Variants in PTPRF observed in about 807,000 individuals in gnomAD.
PTPRF encodes protein tyrosine phosphatase receptor type F.
PTPRF carries 59 observed loss-of-function variants against 201.8 expected under a neutral mutation model. The observed-to-expected ratio is 0.29, with a 90% CI of 0.24 to 0.36. The LOEUF is 0.36. Ranked by LOEUF, PTPRF falls within the 10% of genes least tolerant of loss-of-function variation. The probability of loss-of-function intolerance (pLI) is 1.00; values close to 1 mark genes in which losing one functional copy is unlikely to be tolerated. For synonymous variants in PTPRF, 1,088 were observed against 1,089.7 expected, an observed-to-expected ratio of 1.00 and a Z score of 0.03; for missense variants, 2,132 against 2,690.5, an observed-to-expected ratio of 0.79 and a Z score of 4.59.
chr1:43,534,500 G>C (rs1425469255), intron 1 of PTPRF, among the ~76,000 whole-genome samples: 2 of 152,186 alleles, frequency 1.3e-5, no homozygotes, highest in Non-Finnish European at 2.9e-5. Flanking sequence ...GGATGTGGGA[G>C]TGAAGGAGAG....
Position 43,553,629 on chromosome 1 carries a change from C to T in PTPRF, c.229C>T (p.Arg77Cys). Reference sequence around the variant, plus strand: ...GAAGGGGAAGAAAGTCAGCTCCCAGCGCTTCGAGGTGCGTCTGTGGTGGGA... The same window carrying T: ...GAAGGGGAAGAAAGTCAGCTCCCAGTGCTTCGAGGTGCGTCTGTGGTGGGA... ...MKKGKKVSSQ[R>C]FEVIEFDDGA... The change falls in exon 4 of 34, where the codon CGC (arginine) becomes TGC (cysteine). Residue 77 changes from arginine (R) to cysteine (C), a missense_variant. Physicochemically the swap from Arg to Cys is radical, Grantham distance 180. This residue lies in a region of PTPRF where 297 missense variants were observed against 454.0 expected (regional missense o/e 0.65). Transcript: ENST00000359947. The surrounding 1 kb of genome is among the most constrained non-coding windows in gnomAD (Gnocchi z 4.1). 1 of 1,614,132 alleles carries T rather than the reference C, an allele frequency of 6.2e-7. No individual in the cohort carries two copies.
At chr1:43,555,002 G>A (rs552182787) in intron 5 of PTPRF, among the ~76,000 whole-genome samples, 6 of 151,814 alleles carry the variant, frequency 4.0e-5, no homozygotes, top group East Asian at 1.9e-4. Flanking sequence ...ACAGGCATGC[G>A]CCACCATGCC....
chr1:43,543,311 A>G (rs765801579), intron 2 of PTPRF, among the ~76,000 whole-genome samples: 1 of 152,324 alleles, frequency 6.6e-6, no homozygotes, highest in Non-Finnish European at 1.5e-5. Context: ...CCTCCATCCC[A>G]CTGTGGCCTT....
In PTPRF at chr1:43,592,362, G is replaced by A. The variant is rs963486039; in HGVS notation, c.1669-95G>A. The A allele has an allele frequency of 2.1e-6, 3 of 1,437,920 alleles. No individual in the cohort carries two copies. The Admixed American group carries it at 6.4e-5, about 31-fold the overall frequency. 89.1% of individuals were successfully genotyped at this position (1,437,920 alleles called of 1,614,324 possible). On this transcript the variant is annotated intron_variant, in intron 10 of 33. Transcript: ENST00000359947. ...TGGAGCCAGTCCTGGAGCCGTGGTG[G>A]GTCCAGAGGTGTCACATTGCAGCCC...
In PTPRF at chr1:43,605,590, T is replaced by G; in HGVS notation, c.3451T>G (p.Trp1151Gly). ...RVGGSMLTPR[W>G]STPEELELDE... ...GGGCGGGAGCATGCTGACGCCAAGG[T>G]GGAGCACACCCGAGGAACTGGAGCT... The change falls in exon 19 of 34, where the codon TGG becomes GGG. Residue 1151 changes from tryptophan (W) to glycine (G), a missense_variant. Physicochemically the swap from Trp to Gly is radical, Grantham distance 184. This residue lies in a region of PTPRF where 818 missense variants were observed against 915.3 expected (regional missense o/e 0.89). Transcript: ENST00000359947. 6.2e-7 allele frequency: 1 copy of G among 1,614,014 alleles called. No homozygotes were observed.
intron 3 of PTPRF, among the ~76,000 whole-genome samples, chr1:43,549,027 T>C (rs1227260409): frequency 6.6e-6 from 1 of 152,208 alleles, no homozygotes; most frequent in Non-Finnish European, 1.5e-5. Flanking sequence ...CCACCCTGCA[T>C]GGGCTTGGTG....
At chr1:43,562,418 T>G (rs1465037674) in intron 5 of PTPRF, among the ~76,000 whole-genome samples, 1 of 150,998 alleles carries the variant, frequency 6.6e-6, no homozygotes, top group Non-Finnish European at 1.5e-5. Flanking sequence ...CTGAGAGGAC[T>G]TTTTTGAAAC....
chr1:43,598,118 C>A, intron 12 of PTPRF, 65 bp downstream of exon 12: 1 of 1,404,292 alleles, frequency 7.1e-7, no homozygotes, highest in Non-Finnish European at 9.3e-7. Flanking sequence ...CCAAGCTCCC[C>A]AGGGCCTTCC....
intron 3 of PTPRF, among the ~76,000 whole-genome samples, chr1:43,551,303 G>A (rs540114757): frequency 3.4e-4 from 51 of 152,118 alleles, no homozygotes; most frequent in African/African-American, 1.1e-3. Flanking sequence ...GGGGACAGGA[G>A]ACACCCCCAG....
At chr1:43,590,563 A>G (rs1276597444) in intron 8 of PTPRF, among the ~76,000 whole-genome samples, 2 of 152,120 alleles carry the variant, frequency 1.3e-5, no homozygotes, top group Non-Finnish European at 2.9e-5. Context: ...CCTGCCTATT[A>G]CACATACTTT....
At chr1:43,575,055 G>A (rs892865609) in intron 6 of PTPRF, among the ~76,000 whole-genome samples, 1 of 152,248 alleles carries the variant, frequency 6.6e-6, no homozygotes, top group African/African-American at 2.4e-5. Flanking sequence ...CAGGGTAGAC[G>A]TGGGCTGGAC....
At chr1:43,610,617 T>C (rs1656202399) in intron 22 of PTPRF, among the ~76,000 whole-genome samples, 1 of 152,228 alleles carries the variant, frequency 6.6e-6, no homozygotes, top group Non-Finnish European at 1.5e-5. Flanking sequence ...TGGTGGCTCA[T>C]GCCTGTGATC....
chr1:43,605,431 C>T lies in PTPRF; in HGVS notation c.3377C>T (p.Pro1126Leu). ...CTCTCCATGCCCCATGTGCAAGACC[C>T]CTCGCTTGTCAGGTGTGCACACGAG... ...FDLSMPHVQD[P>L]SLVRWFYIVV... Residue 1126 changes from proline (P) to leucine (L), a missense_variant, in exon 18 of 34, where the codon CCC (proline) becomes CTC (leucine). Around this residue, in one of 6 missense-constraint regions of PTPRF, gnomAD observed 818 missense variants for 915.3 expected, o/e 0.89. Transcript: ENST00000359947. 1 of 1,609,222 alleles carries T rather than the reference C, an allele frequency of 6.2e-7. No homozygotes were observed. Among genetic ancestry groups the T allele is most frequent in the South Asian group, 1.1e-5 (1 of 90,924 alleles).
At chr1:43,615,154 T>C (rs1329523313) in intron 23 of PTPRF, among the ~76,000 whole-genome samples, 2 of 152,184 alleles carry the variant, frequency 1.3e-5, no homozygotes, top group Non-Finnish European at 2.9e-5. Flanking sequence ...TGGGCCAGGT[T>C]TCTGAAGAGA....
chr1:43,554,007 C>A lies in PTPRF; in HGVS notation c.379+66C>A. 6.3e-7 allele frequency: 1 copy of A among 1,588,726 alleles called. No homozygotes were observed. Among genetic ancestry groups the A allele is most frequent in the South Asian group, 1.1e-5 (1 of 87,530 alleles). ...GAGGCGTGGGAAGAGCCAGCCAGCC[C>A]TGATCCTGTCCTGGGCCCATGTGCA... On this transcript the variant is annotated intron_variant, in intron 5 of 33. Transcript: ENST00000359947. The surrounding 1 kb of genome is among the most constrained non-coding windows in gnomAD (Gnocchi z 4.1).
At chr1:43,558,392 C>A (rs1212795912) in intron 5 of PTPRF, among the ~76,000 whole-genome samples, 1 of 151,960 alleles carries the variant, frequency 6.6e-6, no homozygotes, top group African/African-American at 2.4e-5. Context: ...CGTGGGAGTG[C>A]CCCCCCAAAT....
At chr1:43,592,681 C>G in intron 11 of PTPRF, 80 bp downstream of exon 11, 1 of 1,416,608 alleles carries the variant, frequency 7.1e-7, no homozygotes, top group South Asian at 1.5e-5. Context: ...CCTTCCCCCT[C>G]GACCAGGCAG....
In PTPRF at chr1:43,592,595, C is replaced by T; in HGVS notation, c.1807C>T (p.Gln603Ter). 6.3e-7 allele frequency: 1 copy of T among 1,594,226 alleles called. No homozygotes were observed. The highest frequency in any genetic ancestry group is 8.5e-7 in the Non-Finnish European group (1 of 1,170,826). Residue 603 changes from glutamine (Q) to a stop codon, truncating the protein, a stop_gained, in exon 11 of 34, where the codon CAG (glutamine) becomes TAG (stop). Coordinates refer to ENST00000359947, the MANE Select transcript of PTPRF (RefSeq NM_002840.5). LOFTEE classifies it high-confidence loss of function. Reference sequence around the variant, plus strand: ...CCCCACCATTGAGGCCCGCACAGCCCAGTCCAGTAAGTGTCTCCCAAGTCC... The same window carrying T: ...CCCCACCATTGAGGCCCGCACAGCCTAGTCCAGTAAGTGTCTCCCAAGTCC... ...FTPTIEARTA[Q>*]STPSAPPQKV...
intron 13 of PTPRF, among the ~76,000 whole-genome samples, chr1:43,601,380 C>CG (rs1653702442): frequency 6.6e-6 from 1 of 152,246 alleles, no homozygotes; most frequent in African/African-American, 2.4e-5. Context: ...GAGGAAGGAA[C>CG]GGGTATAGGT....
Sources: gnomAD v4.1 joint callset for allele counts (sites outside exome capture counted in the v4.1 genomes callset) on GRCh38, gnomAD v4.1.1 for gene constraint, gnomAD v4.1.1 regional missense constraint, Gnocchi (gnomAD v3.1) non-coding constraint, MANE v1.5 for transcripts, NCBI Gene and HGNC (gene_info 2026-07-23, HGNC 2026-07-21) for gene names.